Variants in SFI1 observed in about 807,000 individuals in gnomAD.
SFI1 encodes the protein protein SFI1 homolog.
A neutral mutation model predicts 207.5 loss-of-function variants in SFI1; 195 were observed. That is an observed-to-expected ratio of 0.94 (90% CI 0.84 to 1.06). The LOEUF is 1.06. Ranked by LOEUF, SFI1 falls within the 50% of genes least tolerant of loss-of-function variation. The probability of loss-of-function intolerance (pLI) is 0.00; values close to 1 mark genes in which losing one functional copy is unlikely to be tolerated. For synonymous variants in SFI1, 630 were observed against 598.9 expected, an observed-to-expected ratio of 1.05 and a Z score of -0.76; for missense variants, 1,634 against 1,588.0, an observed-to-expected ratio of 1.03 and a Z score of -0.49.
chr22:31,580,016 T>C (rs764950168), intron 11 of SFI1: 31 of 335,762 alleles, frequency 9.2e-5, no homozygotes, highest in African/African-American at 1.5e-4. Context: ...GGTGTGTTTG[T>C]TCTTGTGCAG....
At chr22:31,586,269 C>G in intron 14 of SFI1, among the ~76,000 whole-genome samples, 1 of 152,156 alleles carries the variant, frequency 6.6e-6, no homozygotes, top group East Asian at 1.9e-4. Context: ...ACCCCTACCC[C>G]AGAGGCATAG....
At chr22:31,565,353 T>C (rs990395487) in intron 8 of SFI1, among the ~76,000 whole-genome samples, 2 of 151,872 alleles carry the variant, frequency 1.3e-5, no homozygotes, top group Non-Finnish European at 2.9e-5. Context: ...GATGATCACT[T>C]GAGGTCAAGT....
At chr22:31,568,159 A>G (rs1159861452) in intron 8 of SFI1, among the ~76,000 whole-genome samples, 3 of 100,702 alleles carry the variant, frequency 3.0e-5, no homozygotes, top group African/African-American at 4.4e-5. Context: ...CTCTCTCTAT[A>G]TATATATGTG....
chr22:31,497,746 T>C lies in SFI1; in HGVS notation c.-31+1109T>C, dbSNP rs552462140. Among the ~76,000 whole-genome samples the C allele has an allele frequency of 1.1e-4, 16 of 152,306 alleles. No individual in the cohort carries two copies. In the South Asian group the frequency reaches 3.3e-3, roughly 32 times the overall value. ...CAAACCCAGGATGACCACACATCTC[T>C]TTACTGAATGTCTTTACATCATATT... On this transcript the variant is annotated intron_variant, in intron 1 of 32. Coordinates refer to ENST00000400288, the MANE Select transcript of SFI1 (RefSeq NM_001007467.3).
At chr22:31,601,875 C>T (rs544442632) in intron 15 of SFI1, among the ~76,000 whole-genome samples, 2 of 152,026 alleles carry the variant, frequency 1.3e-5, no homozygotes, top group South Asian at 4.2e-4. Flanking sequence ...TCACCACAGC[C>T]TCAAACTCCT....
chr22:31,501,014 G>A (rs549099749), intron 1 of SFI1, among the ~76,000 whole-genome samples: 8 of 150,290 alleles, frequency 5.3e-5, no homozygotes, highest in African/African-American at 2.0e-4. Context: ...GGCCAGGCTG[G>A]TCTCGAACTC....
intron 15 of SFI1, among the ~76,000 whole-genome samples, chr22:31,597,557 G>A (rs1463287152): frequency 6.6e-6 from 1 of 152,154 alleles, no homozygotes. Flanking sequence ...ATGTAAAATT[G>A]AGATGATGTG....
intron 27 of SFI1, 171 bp from the exon 28 acceptor site, chr22:31,614,618 C>A (rs755485176): frequency 4.0e-6 from 3 of 741,304 alleles, no homozygotes; most frequent in Non-Finnish European, 7.2e-6. Context: ...TACCTTTTGT[C>A]GGAACTGCTG....
intron 15 of SFI1, among the ~76,000 whole-genome samples, chr22:31,590,796 C>T (rs1299831191): frequency 6.7e-6 from 1 of 149,358 alleles, no homozygotes; most frequent in Non-Finnish European, 1.5e-5. Flanking sequence ...AGCCACTGCG[C>T]CCGGCCAGCG....
chr22:31,511,486 T>TTTTC (rs1177173541), intron 2 of SFI1, among the ~76,000 whole-genome samples: 1 of 127,800 alleles, frequency 7.8e-6, no homozygotes, highest in African/African-American at 2.9e-5. Flanking sequence ...TTTTTTTTTT[T>TTTTC]GAGATGGAGT....
At chr22:31,542,735 C>T (rs138102980) in intron 4 of SFI1, among the ~76,000 whole-genome samples, 7,002 of 150,080 alleles carry the variant, frequency 0.047, 148 homozygotes, top group African/African-American at 0.056. Context: ...GATCTCAGCT[C>T]ACTCCAACCT....
At chr22:31,547,911 TG>T (rs1001288298) in intron 5 of SFI1, among the ~76,000 whole-genome samples, 3 of 150,002 alleles carry the variant, frequency 2.0e-5, no homozygotes, top group African/African-American at 7.3e-5. Context: ...CACCCGGCCT[TG>T]TTTTAAAAAT....
chr22:31,553,063 G>C (rs1040681594), intron 6 of SFI1, among the ~76,000 whole-genome samples: 1 of 151,988 alleles, frequency 6.6e-6, no homozygotes, highest in Non-Finnish European at 1.5e-5. Flanking sequence ...AGCTGGTCTT[G>C]GACCCCTGGG....
chr22:31,516,261 C>A (rs1254288914), intron 2 of SFI1, among the ~76,000 whole-genome samples: 2 of 152,020 alleles, frequency 1.3e-5, no homozygotes, highest in Non-Finnish European at 2.9e-5. Flanking sequence ...GTCTGGAATT[C>A]TAGCACTTTG....
At position 31,498,629 on chromosome 22, in the gene SFI1, C is replaced by T. The variant is rs760729270; in HGVS notation, c.-31+1992C>T. Reference sequence around the variant, plus strand: ...CTGCACCACTGCACTCCAGCCTGGGCGACAGAGCAAGACTCCGTCTAAAAA... The same window carrying T: ...CTGCACCACTGCACTCCAGCCTGGGTGACAGAGCAAGACTCCGTCTAAAAA... On this transcript the variant is annotated intron_variant, in intron 1 of 32. Coordinates refer to ENST00000400288, the MANE Select transcript of SFI1 (RefSeq NM_001007467.3). 7.9e-4 allele frequency among the ~76,000 whole-genome samples: 116 copies of T among 146,186 alleles called. 1 individual carries two copies. The highest frequency in any genetic ancestry group is 2.0e-4 in the East Asian group (1 of 4,960).
chr22:31,582,466 G>A (rs1246266864), intron 12 of SFI1, among the ~76,000 whole-genome samples: 2 of 150,714 alleles, frequency 1.3e-5, no homozygotes, highest in African/African-American at 4.9e-5. Context: ...TGGCCAGGCT[G>A]GTCTCAAACT....
intron 4 of SFI1, among the ~76,000 whole-genome samples, chr22:31,543,967 TTGTC>T (rs1345224328): frequency 6.6e-6 from 1 of 152,008 alleles, no homozygotes; most frequent in African/African-American, 2.4e-5. Flanking sequence ...GGTCAGCAGA[TTGTC>T]TGAGCTCAGG....
At position 31,586,843 on chromosome 22, in the gene SFI1, C is replaced by T. The variant is rs1452530794; in HGVS notation, c.1413+1709C>T. On this transcript the variant is annotated intron_variant, in intron 14 of 32. Transcript: ENST00000400288. Reference sequence around the variant, plus strand: ...CAGCGTTTTCATCTCTCACACTGATCTAGCACGGCCTGCTTTCAAAGGTAT... The same window carrying T: ...CAGCGTTTTCATCTCTCACACTGATTTAGCACGGCCTGCTTTCAAAGGTAT... Among the ~76,000 whole-genome samples the T allele has an allele frequency of 2.6e-5, 4 of 152,312 alleles. No individual in the cohort carries two copies. The East Asian group carries it at 7.7e-4, about 29-fold the overall frequency.
intron 2 of SFI1, among the ~76,000 whole-genome samples, chr22:31,522,134 C>T (rs1434399282): frequency 7.9e-6 from 1 of 126,054 alleles, no homozygotes; most frequent in Non-Finnish European, 1.6e-5. Context: ...GTGGCACAAT[C>T]TCTGCTCACT....
Sources: allele counts gnomAD v4.1 joint callset (sites outside exome capture counted in the v4.1 genomes callset), GRCh38; gene constraint gnomAD v4.1.1; transcripts MANE v1.5; gene names NCBI Gene and HGNC (gene_info 2026-07-23, HGNC 2026-07-21).